The following MRLN variants were observed in gnomAD, a reference collection of about 807,000 sequenced individuals.
The protein encoded by MRLN is myoregulin.
At chr10:59,740,780 CT>C (rs1840974776) in intron 1 of MRLN, among the ~76,000 whole-genome samples, 1 of 9,008 alleles carries the variant, frequency 1.1e-4, no homozygotes, top group Non-Finnish European at 3.9e-4. Flanking sequence ...TCTTTGTTTT[CT>C]TTCTTTCTTT....
At chr10:59,744,031 C>T (rs1368253157) in intron 1 of MRLN, among the ~76,000 whole-genome samples, 3 of 152,170 alleles carry the variant, frequency 2.0e-5, no homozygotes, top group Non-Finnish European at 4.4e-5. Flanking sequence ...ACCTCCCAGC[C>T]GCCTGCCTTG....
chr10:59,748,311 G>A (rs1841063507), intron 1 of MRLN, among the ~76,000 whole-genome samples: 1 of 152,124 alleles, frequency 6.6e-6, no homozygotes, highest in South Asian at 2.1e-4. Flanking sequence ...TGTTCTGTAA[G>A]CTTCTAAAAT....
intron 1 of MRLN, among the ~76,000 whole-genome samples, chr10:59,752,403 G>A (rs1438266120): frequency 6.6e-6 from 1 of 152,204 alleles, no homozygotes; most frequent in Non-Finnish European, 1.5e-5. Flanking sequence ...CCACCACGTT[G>A]TAAAAGAGAC....
intron 1 of MRLN, among the ~76,000 whole-genome samples, chr10:59,750,748 C>T (rs2132596436): frequency 6.6e-6 from 1 of 152,334 alleles, no homozygotes; most frequent in Admixed American, 6.5e-5. Flanking sequence ...GATGAAATGC[C>T]CGGAGCCCTG....
At chr10:59,749,010 G>A (rs1355633449) in intron 1 of MRLN, among the ~76,000 whole-genome samples, 1 of 152,222 alleles carries the variant, frequency 6.6e-6, no homozygotes, top group African/African-American at 2.4e-5. Flanking sequence ...TGAGGAGAGA[G>A]TACAGGATCT....
intron 1 of MRLN, among the ~76,000 whole-genome samples, chr10:59,742,522 G>T (rs1318416102): frequency 6.6e-6 from 1 of 152,176 alleles, no homozygotes; most frequent in Non-Finnish European, 1.5e-5. Flanking sequence ...ACTTTAGGGA[G>T]TATAGGGGAA....
At chr10:59,751,452 G>A (rs752708360) in intron 1 of MRLN, among the ~76,000 whole-genome samples, 3 of 151,878 alleles carry the variant, frequency 2.0e-5, no homozygotes, top group Admixed American at 6.6e-5. Context: ...CTTGAGCCCA[G>A]GAGTTTGAGA....
chr10:59,738,283 G>A (rs1257580335), intron 2 of MRLN, 176 bp downstream of exon 2: 3 of 152,220 alleles, frequency 2.0e-5, no homozygotes, highest in Non-Finnish European at 4.4e-5. Flanking sequence ...GGTTTGCAAA[G>A]TGATTTTCCT....
chr10:59,742,525 T>C (rs890745118), intron 1 of MRLN, among the ~76,000 whole-genome samples: 8 of 152,164 alleles, frequency 5.3e-5, no homozygotes, highest in Non-Finnish European at 1.5e-5. Flanking sequence ...TTAGGGAGTA[T>C]AGGGGAAGGA....
rs777887177 is a variant in MRLN at position 59,737,216 on chromosome 10, G to T, written c.-16C>A. The T allele has an allele frequency of 2.3e-5, 9 of 395,812 alleles. No homozygotes were observed. Among genetic ancestry groups the T allele is most frequent in the Admixed American group, 1.3e-4 (3 of 22,618 alleles). 24.5% of individuals were successfully genotyped at this position (395,812 alleles called of 1,614,324 possible). Reference sequence around the variant, plus strand: ...TACCAGTCATATCCAGAATTATCCCGCTCCCTAGGAAAAAAGAGAAAAGTA... The same window carrying T: ...TACCAGTCATATCCAGAATTATCCCTCTCCCTAGGAAAAAAGAGAAAAGTA... On this transcript the variant is annotated 5_prime_UTR_variant, in exon 3 of 3. Transcript: ENST00000414264.
intron 1 of MRLN, among the ~76,000 whole-genome samples, chr10:59,740,653 T>G (rs533842601): frequency 6.6e-6 from 1 of 152,156 alleles, no homozygotes; most frequent in Non-Finnish European, 1.5e-5. Context: ...AGCCATACAA[T>G]GTGTTTGTGC....
intron 1 of MRLN, among the ~76,000 whole-genome samples, chr10:59,743,025 T>G (rs1841001188): frequency 1.3e-5 from 2 of 152,290 alleles, no homozygotes; most frequent in Non-Finnish European, 2.9e-5. Context: ...CCACTGTACC[T>G]GGCCTTCATG....
chr10:59,740,797 TTTC>T (rs1351085124), intron 1 of MRLN, among the ~76,000 whole-genome samples: 1 of 150,006 alleles, frequency 6.7e-6, no homozygotes, highest in Non-Finnish European at 1.5e-5. Context: ...TCTTTCTTTC[TTTC>T]TTTCTTTTTT....
At chr10:59,738,351 T>C (rs969551803) in intron 2 of MRLN, 108 bp downstream of exon 2, 2 of 152,150 alleles carry the variant, frequency 1.3e-5, no homozygotes, top group Non-Finnish European at 2.9e-5. Flanking sequence ...CTCCCAGGGG[T>C]ACCTTCAACT....
rs150150397 is a variant in MRLN at position 59,741,625 on chromosome 10, C to T, written c.-124-3063G>A. 5.4e-3 allele frequency among the ~76,000 whole-genome samples: 825 copies of T among 152,176 alleles called. 6 individuals are homozygous for T. The highest frequency in any genetic ancestry group is 0.017 in the Middle Eastern group (5 of 294). ...TACTGAAGCCCTGAGCTCAAGCAGT[C>T]CACCTGCCTTAGCCTCCCAAAATGC... On this transcript the variant is annotated intron_variant, in intron 1 of 2. Transcript: ENST00000414264.
At chr10:59,738,393 T>C (rs1194089447) in intron 2 of MRLN, 66 bp downstream of exon 2, 3 of 152,076 alleles carry the variant, frequency 2.0e-5, no homozygotes, top group Non-Finnish European at 4.4e-5. Flanking sequence ...GAGACTGAAA[T>C]AAGAAGTGAG....
rs180830591 is a variant in MRLN at position 59,748,206 on chromosome 10, C to G, written c.-125+5148G>C. Among the ~76,000 whole-genome samples the G allele has an allele frequency of 3.9e-3, 595 of 152,060 alleles. 5 individuals are homozygous for G. The highest frequency in any genetic ancestry group is 0.013 in the African/African-American group (542 of 41,478). On this transcript the variant is annotated intron_variant, in intron 1 of 2. Coordinates refer to ENST00000414264, the MANE Select transcript of MRLN (RefSeq NM_001304731.2). ...TGGGATGATCTGTTGGGATGGCCACCGTTTCTACAGCATACTGGAGGTTTG... is the reference window on the plus strand; with the variant it reads ...TGGGATGATCTGTTGGGATGGCCACGGTTTCTACAGCATACTGGAGGTTTG...
At chr10:59,742,030 G>T (rs1731798817) in intron 1 of MRLN, among the ~76,000 whole-genome samples, 2 of 152,094 alleles carry the variant, frequency 1.3e-5, no homozygotes, top group Admixed American at 1.3e-4. Flanking sequence ...GCACCTTGAT[G>T]ATATTAAAAT....
At chr10:59,737,464 C>G (rs2132584829) in intron 2 of MRLN, among the ~76,000 whole-genome samples, 1 of 152,204 alleles carries the variant, frequency 6.6e-6, no homozygotes, top group Admixed American at 6.5e-5. Flanking sequence ...AAACAAACAG[C>G]TCAAGGAACT....
Sources: allele counts gnomAD v4.1 joint callset (sites outside exome capture counted in the v4.1 genomes callset), GRCh38; gene constraint gnomAD v4.1.1; transcripts MANE v1.5; gene names NCBI Gene and HGNC (gene_info 2026-07-23, HGNC 2026-07-21).